Variants in DLG1 observed in about 807,000 individuals in gnomAD.
DLG1 encodes the protein disks large homolog 1.
In DLG1, 42 loss-of-function variants were observed where a neutral mutation model predicts 123.4. The ratio of observed to expected loss-of-function variants is 0.34; its 90% confidence interval spans 0.27 to 0.44. The LOEUF is 0.44. Among genes scored for constraint, DLG1 ranks in the 20% least tolerant of loss-of-function variants. The probability of loss-of-function intolerance (pLI) is 1.00; values close to 1 mark genes in which losing one functional copy is unlikely to be tolerated. For missense variants in DLG1, 942 were observed against 1,082.6 expected (o/e 0.87, Z 1.82); for synonymous variants, 317 against 356.2 (o/e 0.89, Z 1.24).
chr3:197,163,972 A>C (rs1401731473), intron 5 of DLG1, among the ~76,000 whole-genome samples: 1 of 152,160 alleles, frequency 6.6e-6, no homozygotes, highest in Non-Finnish European at 1.5e-5. Flanking sequence ...TTTTACCAAT[A>C]AAAAATATTC....
At chr3:197,255,271 GACACCAAC>G (rs1199546221) in intron 4 of DLG1, among the ~76,000 whole-genome samples, 4 of 152,110 alleles carry the variant, frequency 2.6e-5, no homozygotes, top group African/African-American at 9.7e-5. Flanking sequence ...AAGACCTCTA[GACACCAAC>G]ACCAATAAGA....
chr3:197,203,434 A>G (rs1018019114), intron 4 of DLG1, among the ~76,000 whole-genome samples: 4 of 152,214 alleles, frequency 2.6e-5, no homozygotes, highest in East Asian at 1.9e-4. Context: ...TTTAAATTCT[A>G]AAATTTATCT....
chr3:197,286,873 A>G (rs1772103256), intron 3 of DLG1, among the ~76,000 whole-genome samples: 1 of 151,430 alleles, frequency 6.6e-6, no homozygotes. Flanking sequence ...GATTATATAC[A>G]AGAGCCACCT....
rs1771824307 is a variant in DLG1 at position 197,114,355 on chromosome 3, A to AC, written c.1443+1571dup. 2.0e-5 allele frequency among the ~76,000 whole-genome samples: 3 copies of AC among 152,128 alleles called. No homozygotes were observed. In the South Asian group the frequency reaches 6.2e-4, roughly 32 times the overall value. On this transcript the variant is annotated intron_variant, in intron 13 of 24. Transcript: ENST00000667157. ...AAAGCATCTTACAAGCAGCCAGCAA[A>AC]CCCCCACAAGTCACCTACGAACAAG...
Position 197,211,187 on chromosome 3 carries a change from T to C in DLG1, c.319-16598A>G, listed in dbSNP as rs1325535071. 4.1e-5 allele frequency among the ~76,000 whole-genome samples: 6 copies of C among 146,266 alleles called. 1 individual carries two copies. The highest frequency in any genetic ancestry group is 3.7e-3 in the Middle Eastern group (1 of 270). ...ATCTAAATCTGATAAAGGGCATTTATGAAAACCCTACAGCTAACAGATGCA... is the reference window on the plus strand; with the variant it reads ...ATCTAAATCTGATAAAGGGCATTTACGAAAACCCTACAGCTAACAGATGCA... On this transcript the variant is annotated intron_variant, in intron 4 of 24. Transcript: ENST00000667157.
chr3:197,227,933 G>A (rs964451877), intron 4 of DLG1, among the ~76,000 whole-genome samples: 1 of 152,164 alleles, frequency 6.6e-6, no homozygotes, highest in African/African-American at 2.4e-5. Context: ...AAAGTAAACT[G>A]TGCTCCTTAG....
intron 5 of DLG1, among the ~76,000 whole-genome samples, chr3:197,187,131 A>G (rs1164867620): frequency 3.3e-5 from 5 of 152,306 alleles, no homozygotes; most frequent in South Asian, 2.1e-4. Flanking sequence ...AAAACCCTCA[A>G]TGTCACACAT....
intron 5 of DLG1, among the ~76,000 whole-genome samples, chr3:197,184,719 T>G (rs866023505): frequency 6.6e-6 from 1 of 152,212 alleles, no homozygotes; most frequent in East Asian, 1.9e-4. Context: ...GGTCATAAAT[T>G]TCTAAAAATG....
At chr3:197,259,681 T>C (rs1163201555) in intron 4 of DLG1, among the ~76,000 whole-genome samples, 1 of 152,118 alleles carries the variant, frequency 6.6e-6, no homozygotes, top group Non-Finnish European at 1.5e-5. Flanking sequence ...AAGCCAAACT[T>C]AGAGATTAAG....
intron 4 of DLG1, among the ~76,000 whole-genome samples, chr3:197,275,499 T>C (rs1765976862): frequency 6.6e-6 from 1 of 152,134 alleles, no homozygotes; most frequent in Non-Finnish European, 1.5e-5. Flanking sequence ...AGCCTAAGTG[T>C]CCCTCAACAG....
rs552471837 is a variant in DLG1 at position 197,269,462 on chromosome 3, T to C, written c.318+13217A>G. On this transcript the variant is annotated intron_variant, in intron 4 of 24. Coordinates refer to ENST00000667157, the MANE Select transcript of DLG1 (RefSeq NM_001366207.1). ...GTTACATTTCTATCTCTATTAAAATTAGTTCTTTCTCTCCTTATTTTAACT... is the reference window on the plus strand; with the variant it reads ...GTTACATTTCTATCTCTATTAAAATCAGTTCTTTCTCTCCTTATTTTAACT... 2.3e-4 allele frequency among the ~76,000 whole-genome samples: 35 copies of C among 152,368 alleles called. 1 individual carries two copies. The highest frequency in any genetic ancestry group is 1.4e-3 in the South Asian group (7 of 4,832).
At chr3:197,124,055 C>T (rs979301037) in intron 11 of DLG1, among the ~76,000 whole-genome samples, 1 of 152,106 alleles carries the variant, frequency 6.6e-6, no homozygotes, top group African/African-American at 2.4e-5. Context: ...GGAGCTTAGG[C>T]AACATAGTGA....
chr3:197,081,240 C>A (rs1008946025), intron 16 of DLG1, 123 bp from the exon 17 acceptor site: 17 of 816,300 alleles, frequency 2.1e-5, no homozygotes, highest in Non-Finnish European at 2.8e-5. Flanking sequence ...TAAGAGTCAT[C>A]TAGGTTTGCA....
chr3:197,139,761 T>C (rs1787048535), intron 8 of DLG1, among the ~76,000 whole-genome samples: 1 of 151,362 alleles, frequency 6.6e-6, no homozygotes, highest in African/African-American at 2.4e-5. Flanking sequence ...ATGGAAAATA[T>C]TCTGTGAGTG....
intron 3 of DLG1, among the ~76,000 whole-genome samples, chr3:197,295,560 C>G (rs943414512): frequency 1.3e-5 from 2 of 151,466 alleles, no homozygotes; most frequent in Admixed American, 6.6e-5. Context: ...TTTGAGGTAC[C>G]TGGACAAAAG....
intron 6 of DLG1, among the ~76,000 whole-genome samples, chr3:197,145,072 C>CAT (rs1790073276): frequency 6.6e-6 from 1 of 152,024 alleles, no homozygotes; most frequent in Non-Finnish European, 1.5e-5. Flanking sequence ...CACACACACA[C>CAT]ACACACACGT....
chr3:197,246,009 T>C (rs961871479), intron 4 of DLG1, among the ~76,000 whole-genome samples: 1 of 152,010 alleles, frequency 6.6e-6, no homozygotes, highest in African/African-American at 2.4e-5. Flanking sequence ...AGTCCAAATT[T>C]TTCTAAAGGT....
chr3:197,282,702 T>C lies in DLG1; in HGVS notation c.295A>G (p.Ser99Gly), dbSNP rs758845252. 6.9e-6 allele frequency: 11 copies of C among 1,605,650 alleles called. No individual in the cohort carries two copies. The highest frequency in any genetic ancestry group is 8.5e-6 in the Non-Finnish European group (10 of 1,177,256). The change falls in exon 4 of 25, where the codon AGC (serine) becomes GGC (glycine). Residue 99 changes from serine (S) to glycine (G), a missense_variant. By Grantham distance (56) the Ser-to-Gly change is moderately conservative. Coordinates refer to ENST00000667157, the MANE Select transcript of DLG1 (RefSeq NM_001366207.1). Reference protein sequence around the residue: ...SSTVTSETLPSSLSPSVEKYR... With the variant: ...SSTVTSETLPGSLSPSVEKYR... ...ACCTCTACACTAGGGCTAAGGCTGCTTGGCAGTGTCTCTGAAGTCACAGTA... is the reference window on the plus strand; with the variant it reads ...ACCTCTACACTAGGGCTAAGGCTGCCTGGCAGTGTCTCTGAAGTCACAGTA...
chr3:197,158,672 T>C (rs570439041), intron 5 of DLG1, among the ~76,000 whole-genome samples: 3 of 75,190 alleles, frequency 4.0e-5, no homozygotes, highest in East Asian at 4.8e-4. Flanking sequence ...AGAGGCAGTA[T>C]GATGCTCTGC....
Sources: allele counts gnomAD v4.1 joint callset (sites outside exome capture counted in the v4.1 genomes callset), GRCh38; gene constraint gnomAD v4.1.1; transcripts MANE v1.5; gene names NCBI Gene and HGNC (gene_info 2026-07-23, HGNC 2026-07-21).